The following QRICH2 variants were observed in gnomAD, a reference collection of about 807,000 sequenced individuals.
QRICH2 encodes glutamine-rich protein 2.
Under a neutral mutation model 168.3 loss-of-function variants are expected in QRICH2, and 119 were observed. That is an observed-to-expected ratio of 0.71 (90% CI 0.61 to 0.82). The LOEUF is 0.82. QRICH2 is among the 40% of genes least tolerant of loss of function. The pLI, the probability that QRICH2 is intolerant of heterozygous loss-of-function variation, is 0.00. For synonymous variants in QRICH2, 894 were observed against 951.2 expected, an observed-to-expected ratio of 0.94 and a Z score of 1.11; for missense variants, 2,241 against 2,491.6, an observed-to-expected ratio of 0.90 and a Z score of 2.14.
rs1194547988 is a variant in QRICH2, at chr17:76,307,930, G to A, written c.69C>T (p.Gly23=). 3 of 1,237,368 alleles carry A rather than the reference G, an allele frequency of 2.4e-6. No homozygotes were observed. The highest frequency in any genetic ancestry group is 3.0e-6 in the Non-Finnish European group (3 of 991,002). The allele number at this position is 1,237,368 out of a possible 1,614,324, so 76.6% of individuals were successfully genotyped here. The change falls in exon 1 of 19, where the codon GGC becomes GGT. Residue 23 remains glycine (G), a synonymous_variant. Transcript: ENST00000680821. This position sits in a 1 kb window ranked among gnomAD's most constrained non-coding sequence, Gnocchi z 5.3. ...TGTGCAGGGCCGTGAAGTTGACGGC[G>A]CCCACCTCTGGCGTGCCGATGGAGA... is the stretch of plus-strand genomic sequence containing the variant. ...ADLSIGTPEV[G]AVNFTALHTL... is the part of the protein sequence containing the mutation.
rs547247353 is a variant in QRICH2 at position 76,291,948 on chromosome 17, C to G, written c.2779G>C (p.Asp927His). 8.4e-5 allele frequency: 135 copies of G among 1,614,060 alleles called. No homozygotes were observed. Among genetic ancestry groups the G allele is most frequent in the Non-Finnish European group, 1.1e-4 (130 of 1,180,046 alleles). The change falls in exon 4 of 19, where the codon GAT becomes CAT. Residue 927 changes from aspartate to histidine, a missense_variant. Around this residue, in one of 3 missense-constraint regions of QRICH2, gnomAD observed 2,047 missense variants for 2,303.8 expected, o/e 0.89. Transcript: ENST00000680821. The stretch of plus-strand genomic sequence containing the variant: ...CCAGGTTGTACCAGGCCATGTGGAT[C>G]TGCCTGAGGTTGCACCATACCTTGC... Reference protein sequence around the residue: ...GQQGMVQPQADPHGLVQPGAY... With the variant: ...GQQGMVQPQAHPHGLVQPGAY...
intron 12 of QRICH2, 149 bp from the exon 13 acceptor site, chr17:76,279,577 G>C (rs1375495990): frequency 3.0e-6 from 2 of 660,518 alleles, no homozygotes; most frequent in East Asian, 5.4e-5. Flanking sequence ...CCACCTCTGG[G>C]CTCACATCCC....
Position 76,287,861 on chromosome 17 carries a change from T to G in QRICH2, c.3835A>C (p.Asn1279His). 6.2e-7 allele frequency: 1 copy of G among 1,614,074 alleles called. No homozygotes were observed. The change falls in exon 6 of 19, where the codon AAT (asparagine) becomes CAT (histidine). Residue 1279 changes from asparagine (N) to histidine (H), a missense_variant. Asn to His is a moderately conservative substitution (Grantham distance 68, BLOSUM62 1). Around this residue, in one of 3 missense-constraint regions of QRICH2, gnomAD observed 2,047 missense variants for 2,303.8 expected, o/e 0.89. Transcript: ENST00000680821. The part of the protein sequence containing the change: ...RLQRILEGEG[N>H]QEAGKELKAG... The stretch of plus-strand genomic sequence containing the variant: ...TTCAGTTCCTTCCCTGCTTCTTGAT[T>G]CCCTTCCCCTTCCAGGATCCTCTGC...
Position 76,292,729 on chromosome 17 carries a change from A to T in QRICH2, c.1998T>A (p.Asp666Glu). 6.2e-7 allele frequency: 1 copy of T among 1,605,036 alleles called. No individual in the cohort carries two copies. Among genetic ancestry groups the T allele is most frequent in the Non-Finnish European group, 8.5e-7 (1 of 1,177,500 alleles). The change falls in exon 4 of 19, where the codon GAT becomes GAA. Residue 666 changes from aspartate to glutamate, a missense_variant. Physicochemically the swap from Asp to Glu is conservative, Grantham distance 45 (BLOSUM62 2). Around this residue, in one of 3 missense-constraint regions of QRICH2, gnomAD observed 2,047 missense variants for 2,303.8 expected, o/e 0.89. Coordinates refer to ENST00000680821, the MANE Select transcript of QRICH2 (RefSeq NM_001388453.1). ...TGCCAGGTTGGACCATGCCAGGCTG[A>T]TCTACACCAGGCTGTACCAAGACAC... is the stretch of plus-strand genomic sequence containing the variant. The part of the protein sequence containing the change: ...GQGVLVQPGV[D>E]QPGMVQPGRF...
chr17:76,276,066 G>T, intron 17 of QRICH2, 119 bp from the exon 18 acceptor site: 2 of 1,219,694 alleles, frequency 1.6e-6, no homozygotes, highest in Non-Finnish European at 2.3e-6. Context: ...CAGCTGAGTG[G>T]GGTCCTCGTC....
chr17:76,287,555 A>G (rs1161661260), intron 6 of QRICH2, among the ~76,000 whole-genome samples: 1 of 152,120 alleles, frequency 6.6e-6, no homozygotes, highest in Non-Finnish European at 1.5e-5. Flanking sequence ...TCAGCCTCCG[A>G]CTGGGGACAC....
chr17:76,277,218 G>A lies in QRICH2; in HGVS notation c.5210C>T (p.Pro1737Leu), dbSNP rs73350377. ...TLTYPYHRSR[P>L]QHLPRGLYPT... ...ATACAGGCCCCGGGGAAGGTGCTGCGGGCGGCTGCGGTGGTAGGGGTAGGT... is the reference window on the plus strand; with the variant it reads ...ATACAGGCCCCGGGGAAGGTGCTGCAGGCGGCTGCGGTGGTAGGGGTAGGT... The change falls in exon 16 of 19, where the codon CCG (proline) becomes CTG (leucine). Residue 1737 changes from proline (P) to leucine (L), a missense_variant. Physicochemically the swap from Pro to Leu is moderately conservative, Grantham distance 98. This residue lies in a region of QRICH2 where 2,047 missense variants were observed against 2,303.8 expected (regional missense o/e 0.89). Transcript: ENST00000680821. 0.037 allele frequency: 58,635 copies of A among 1,602,712 alleles called. 4,923 individuals carry two copies. Among genetic ancestry groups the A allele is most frequent in the African/African-American group, 0.34 (25,223 of 74,078 alleles).
rs1341210922 is a variant in QRICH2 at position 76,280,829 on chromosome 17, A to C, written c.4386+2T>G. 1.9e-6 allele frequency: 3 copies of C among 1,613,872 alleles called. No individual in the cohort carries two copies. The highest frequency in any genetic ancestry group is 2.5e-6 in the Non-Finnish European group (3 of 1,180,008). On this transcript the variant is annotated splice_donor_variant, in intron 9 of 18. Transcript: ENST00000680821. LOFTEE classifies it high-confidence loss of function. The surrounding 1 kb of genome is among the most constrained non-coding windows in gnomAD (Gnocchi z 7.4). ...CATCCCAGCCACCCTGCGGCCGCTCACAGCAATGTCCTTCTGTTTCTGCCG... is the reference window on the plus strand; with the variant it reads ...CATCCCAGCCACCCTGCGGCCGCTCCCAGCAATGTCCTTCTGTTTCTGCCG...
chr17:76,280,751 G>A lies in QRICH2; in HGVS notation c.4387-23C>T. On this transcript the variant is annotated intron_variant, in intron 9 of 18. Transcript: ENST00000680821. The surrounding 1 kb of genome is among the most constrained non-coding windows in gnomAD (Gnocchi z 7.4). The stretch of plus-strand genomic sequence containing the variant: ...CATCTGGGGAGGCCAAGTGAACAGA[G>A]AAAAAAAGAGCCAGCAGCTGCGGGG... The A allele has an allele frequency of 6.8e-6, 11 of 1,614,078 alleles. No homozygotes were observed. Among genetic ancestry groups the A allele is most frequent in the Non-Finnish European group, 9.3e-6 (11 of 1,179,988 alleles).
rs71161276 is a variant in QRICH2 at position 76,287,088 on chromosome 17, A to ACACACG, written c.4011+103_4011+104insCGTGTG. On this transcript the variant is annotated intron_variant, in intron 7 of 18. Transcript: ENST00000680821. Reference sequence around the variant, plus strand: ...CACACACACACACACACACACACACATGATGGGAGGGACCTAGTTTTTGAT... The same window carrying ACACACG: ...CACACACACACACACACACACACACACACACGTGATGGGAGGGACCTAGTTTTTGAT... 6 of 331,916 alleles carry ACACACG rather than the reference A, an allele frequency of 1.8e-5. No individual in the cohort carries two copies. In the African/African-American group the frequency reaches 5.9e-4, roughly 33 times the overall value. The allele number at this position is 331,916 out of a possible 1,614,324, so 20.6% of individuals were successfully genotyped here. A position where few individuals can be genotyped will look rare whatever the true frequency, so the allele number is the denominator to read the frequency against.
intron 2 of QRICH2, 66 bp from the exon 3 acceptor site, chr17:76,304,591 A>C: frequency 4.3e-6 from 5 of 1,162,994 alleles, no homozygotes; most frequent in Non-Finnish European, 6.3e-6. Context: ...TTAGGAACAG[A>C]CTTGGTCTAA....
chr17:76,297,371 G>A (rs1227429715), intron 3 of QRICH2, among the ~76,000 whole-genome samples: 1 of 152,116 alleles, frequency 6.6e-6, no homozygotes, highest in East Asian at 1.9e-4. Context: ...GCCAGGCATG[G>A]TGGCACACAC....
chr17:76,310,471 GTT>G (rs35037723), upstream of QRICH2: 2 of 145,810 alleles, frequency 1.4e-5, no homozygotes, highest in African/African-American at 2.5e-5. Flanking sequence ...TCCCTGGCCT[GTT>G]TTTTTTTTTT....
Position 76,306,492 on chromosome 17 carries a change from G to T in QRICH2, c.534+973C>A, listed in dbSNP as rs143684938. On this transcript the variant is annotated intron_variant, in intron 1 of 18. Transcript: ENST00000680821. ...TAAGGTGGCTCTGAGACATGCACGTGTCTATTACCTCCTGGCGCTGACCTG... is the reference window on the plus strand; with the variant it reads ...TAAGGTGGCTCTGAGACATGCACGTTTCTATTACCTCCTGGCGCTGACCTG... 1.9e-3 allele frequency among the ~76,000 whole-genome samples: 284 copies of T among 152,258 alleles called. 2 individuals carry two copies. The highest frequency in any genetic ancestry group is 6.7e-3 in the African/African-American group (279 of 41,548).
chr17:76,304,808 C>T, intron 2 of QRICH2, 74 bp downstream of exon 2: 1 of 1,085,468 alleles, frequency 9.2e-7, no homozygotes, highest in Non-Finnish European at 1.4e-6. Context: ...ATGGACAAGC[C>T]CTGGAGAGAG....
Position 76,282,058 on chromosome 17 carries a change from A to G in QRICH2, c.4069T>C (p.Ser1357Pro), listed in dbSNP as rs1463439425. The change falls in exon 8 of 19, where the codon TCC becomes CCC. Residue 1357 changes from serine to proline, a missense_variant. Physicochemically the swap from Ser to Pro is moderately conservative, Grantham distance 74. Around this residue, in one of 3 missense-constraint regions of QRICH2, gnomAD observed 2,047 missense variants for 2,303.8 expected, o/e 0.89. Coordinates refer to ENST00000680821, the MANE Select transcript of QRICH2 (RefSeq NM_001388453.1). ...GCCTTGTGCGGGGCCATGCTCATGG[A>G]CAGGAGCGTGGAGGAGGAGGTCAGC... is the stretch of plus-strand genomic sequence containing the variant. Reference protein sequence around the residue: ...SMLTSSSTLLSMSMAPHKAHT... With the variant: ...SMLTSSSTLLPMSMAPHKAHT... 6.2e-7 allele frequency: 1 copy of G among 1,612,828 alleles called. No homozygotes were observed.
In QRICH2 at chr17:76,281,096, ACTTTGGGAAGC is replaced by A; in HGVS notation, c.4264-154_4264-144del. On this transcript the variant is annotated intron_variant, in intron 8 of 18. Transcript: ENST00000680821. This position sits in a 1 kb window ranked among gnomAD's most constrained non-coding sequence, Gnocchi z 4.4. ...GGTGGCTCATGCCTGTAGTCCTGGCACTTTGGGAAGCTGAGGTGAGGCGAGAGGATCACTTG... is the reference window on the plus strand; with the variant it reads ...GGTGGCTCATGCCTGTAGTCCTGGCATGAGGTGAGGCGAGAGGATCACTTG... 1 of 1,183,764 alleles carries A rather than the reference ACTTTGGGAAGC, an allele frequency of 8.4e-7. No homozygotes were observed. Among genetic ancestry groups the A allele is most frequent in the Non-Finnish European group, 1.2e-6 (1 of 863,218 alleles). The allele number at this position is 1,183,764 out of a possible 1,614,324, so 73.3% of individuals were successfully genotyped here.
intron 15 of QRICH2, among the ~76,000 whole-genome samples, chr17:76,277,776 C>T (rs1269552567): frequency 6.6e-6 from 1 of 151,834 alleles, no homozygotes; most frequent in Non-Finnish European, 1.5e-5. Flanking sequence ...ACACACACAC[C>T]CTTACACACA....
At chr17:76,284,168 C>CAAAAAAAAAAAAAAAAAAAAAAAAAA (rs61553346) in intron 7 of QRICH2, among the ~76,000 whole-genome samples, 4 of 62,748 alleles carry the variant, frequency 6.4e-5, no homozygotes, top group Admixed American at 1.8e-4. Context: ...ACTCTGTCTC[C>CAAAAAAAAAAAAAAAAAAAAAAAAAA]AAAAAAAAAA....
Sources: allele counts gnomAD v4.1 joint callset (sites outside exome capture counted in the v4.1 genomes callset), GRCh38; gene constraint gnomAD v4.1.1; regional missense constraint gnomAD v4.1.1; non-coding constraint Gnocchi (gnomAD v3.1); transcripts MANE v1.5; gene names NCBI Gene and HGNC (gene_info 2026-07-23, HGNC 2026-07-21).